LRRC37A2: variants seen among roughly 807,000 people sequenced by gnomAD.
The protein encoded by LRRC37A2 is leucine-rich repeat-containing protein 37A2.
Under a neutral mutation model 68.8 loss-of-function variants are expected in LRRC37A2, and 9 were observed. The observed-to-expected ratio is 0.13, with a 90% CI of 0.08 to 0.23. The LOEUF is 0.23. Among genes scored for constraint, LRRC37A2 ranks in the 10% least tolerant of loss-of-function variants. The pLI, the probability that LRRC37A2 is intolerant of heterozygous loss-of-function variation, is 1.00. For synonymous variants in LRRC37A2, 63 were observed against 367.6 expected (o/e 0.17, Z 9.48); for missense variants, 168 against 950.4 (o/e 0.18, Z 10.82).
chr17:46,842,495 C>T, the LRRC37A2 span, among the ~76,000 whole-genome samples: 1 of 152,194 alleles, frequency 6.6e-6, no homozygotes, highest in African/African-American at 2.4e-5. Context: ...CTGCCTCAGC[C>T]TCCCGAGTAG....
chr17:46,992,310 G>C, the LRRC37A2 span, among the ~76,000 whole-genome samples: 1 of 152,174 alleles, frequency 6.6e-6, no homozygotes, highest in African/African-American at 2.4e-5. Context: ...GGAGGTTGCA[G>C]TGAGCCGAGA....
chr17:46,707,016 G>A, the LRRC37A2 span, among the ~76,000 whole-genome samples: 2,720 of 148,846 alleles, frequency 0.018, 96 homozygotes, highest in African/African-American at 0.064. Flanking sequence ...ATGCTTGGCC[G>A]ATTTTTGTAT....
At chr17:46,905,525 C>T in the LRRC37A2 span, among the ~76,000 whole-genome samples, 1 of 152,220 alleles carries the variant, frequency 6.6e-6, no homozygotes, top group African/African-American at 2.4e-5. Context: ...TCCTTTTGTA[C>T]ATGTCACACA....
chr17:46,747,961 T>C, the LRRC37A2 span, among the ~76,000 whole-genome samples: 2 of 152,126 alleles, frequency 1.3e-5, no homozygotes, highest in Admixed American at 6.6e-5. Flanking sequence ...AGTTTTCAAA[T>C]TGCAGAACAT....
chr17:46,773,181 C>T, the LRRC37A2 span, among the ~76,000 whole-genome samples: 3 of 152,224 alleles, frequency 2.0e-5, no homozygotes, highest in African/African-American at 7.2e-5. Flanking sequence ...GATTCCTGGG[C>T]ATATCCAGCT....
the LRRC37A2 span, among the ~76,000 whole-genome samples, chr17:46,494,854 T>A: frequency 1.3e-5 from 2 of 151,140 alleles, no homozygotes; most frequent in Non-Finnish European, 2.9e-5. Flanking sequence ...CTAGCTATTT[T>A]AAAATATACA....
At chr17:46,516,355 AT>A (rs1185110343) in intron 2 of LRRC37A2, among the ~76,000 whole-genome samples, 1 of 124,920 alleles carries the variant, frequency 8.0e-6, no homozygotes, top group East Asian at 2.2e-4. Context: ...AAAGGGAGGT[AT>A]ATATAATTAA....
chr17:46,772,127 G>C, the LRRC37A2 span, among the ~76,000 whole-genome samples: 2 of 152,154 alleles, frequency 1.3e-5, no homozygotes, highest in African/African-American at 4.8e-5. Context: ...GGCCGGAGCT[G>C]GGCGCGAACC....
At chr17:46,492,951 C>T in the LRRC37A2 span, among the ~76,000 whole-genome samples, 1 of 149,646 alleles carries the variant, frequency 6.7e-6, no homozygotes, top group East Asian at 1.9e-4. Flanking sequence ...GCCTCGGCCT[C>T]CCAAAGTGCT....
the LRRC37A2 span, among the ~76,000 whole-genome samples, chr17:46,810,173 A>C: frequency 2.6e-5 from 4 of 151,460 alleles, no homozygotes; most frequent in African/African-American, 9.7e-5. Flanking sequence ...CGCCCAGCTA[A>C]TTTTTTGTAT....
At chr17:46,724,096 C>T in the LRRC37A2 span, among the ~76,000 whole-genome samples, 1 of 152,168 alleles carries the variant, frequency 6.6e-6, no homozygotes, top group African/African-American at 2.4e-5. Flanking sequence ...ATGTTCACAT[C>T]TCTGTGTCTC....
chr17:46,932,129 A>G, the LRRC37A2 span: 2 of 1,613,990 alleles, frequency 1.2e-6, no homozygotes, highest in African/African-American at 1.3e-5. Flanking sequence ...AACTTCCAGC[A>G]TCGGCGCCAT....
At chr17:47,033,720 A>AG in the LRRC37A2 span, among the ~76,000 whole-genome samples, 1 of 152,228 alleles carries the variant, frequency 6.6e-6, no homozygotes, top group Non-Finnish European at 1.5e-5. Context: ...AAGAATTTGG[A>AG]GGGAAAAAAA....
chr17:46,828,350 C>T, the LRRC37A2 span, among the ~76,000 whole-genome samples: 37 of 152,208 alleles, frequency 2.4e-4, no homozygotes, highest in South Asian at 6.2e-4. Flanking sequence ...GCATACACCA[C>T]CACAACAAGC....
chr17:46,751,404 G>C, the LRRC37A2 span: 3 of 822,268 alleles, frequency 3.6e-6, no homozygotes, highest in Non-Finnish European at 6.1e-6. Flanking sequence ...TGAACAGTTA[G>C]GTAGTTCTTA....
chr17:46,943,897 C>T, the LRRC37A2 span, among the ~76,000 whole-genome samples: 19 of 152,172 alleles, frequency 1.2e-4, no homozygotes, highest in South Asian at 2.1e-4. Context: ...TGAATCCTGG[C>T]GATCCCTCGG....
the LRRC37A2 span, chr17:46,939,947 G>A: frequency 4.0e-6 from 4 of 1,007,854 alleles, no homozygotes; most frequent in African/African-American, 1.7e-5. Context: ...CCAGCCCTGG[G>A]CACAGCAGCT....
the LRRC37A2 span, among the ~76,000 whole-genome samples, chr17:46,786,122 G>A: frequency 6.8e-6 from 1 of 147,636 alleles, no homozygotes; most frequent in African/African-American, 2.5e-5. Flanking sequence ...AAGGGAGGAG[G>A]GTGCGAGAGA....
chr17:46,755,368 G>A, the LRRC37A2 span: 2 of 1,612,338 alleles, frequency 1.2e-6, no homozygotes, highest in Non-Finnish European at 1.7e-6. Flanking sequence ...AGAAGAAGGA[G>A]CGTAAGTACA....
Sources: gnomAD v4.1 joint callset for allele counts (sites outside exome capture counted in the v4.1 genomes callset) on GRCh38, gnomAD v4.1.1 for gene constraint, MANE v1.5 for transcripts, NCBI Gene and HGNC (gene_info 2026-07-23, HGNC 2026-07-21) for gene names.